Variants in PTK7 observed in about 807,000 individuals in gnomAD.
PTK7 encodes inactive tyrosine-protein kinase 7.
In PTK7, 39 loss-of-function variants were observed where a neutral mutation model predicts 116.6. The ratio of observed to expected loss-of-function variants is 0.33; its 90% CI spans 0.26 to 0.44. The LOEUF (loss-of-function observed/expected upper bound fraction) is 0.44, where lower values mean the gene tolerates loss of function less well. PTK7 is among the 20% of genes least tolerant of loss of function. PTK7 has a pLI of 1.00. For missense variants in PTK7, 1,169 were observed against 1,425.6 expected, an observed-to-expected ratio of 0.82 and a Z score of 2.90; for synonymous variants, 546 against 563.6, an observed-to-expected ratio of 0.97 and a Z score of 0.44.
At chr6:43,097,622 A>G (rs545432333) in intron 1 of PTK7, among the ~76,000 whole-genome samples, 1 of 152,332 alleles carries the variant, frequency 6.6e-6, no homozygotes, top group East Asian at 1.9e-4. Context: ...ATTGGTAAAC[A>G]TAGTTCAAAT....
At chr6:43,140,450 C>G (rs1770329712) in intron 10 of PTK7, among the ~76,000 whole-genome samples, 1 of 129,240 alleles carries the variant, frequency 7.7e-6, no homozygotes, top group Non-Finnish European at 1.6e-5. Flanking sequence ...GAGACTCCAT[C>G]TCAAAAAAAA....
chr6:43,144,515 G>C lies in PTK7; in HGVS notation c.2316G>C (p.Leu772Phe). The change falls in exon 15 of 20, where the codon TTG (leucine) becomes TTC (phenylalanine). Residue 772 changes from leucine to phenylalanine, a missense_variant. Leu to Phe is a conservative substitution (Grantham distance 22, BLOSUM62 0). Transcript: ENST00000230419. ...EIQEEVALTSLGSGPAATNKR... is the reference protein window; with the variant it reads ...EIQEEVALTSFGSGPAATNKR... ...AAGAAGAAGTGGCCTTGACCAGCTT[G>C]GGCTCCGGCCCCGCGGCCACCAACA... 1 of 1,614,182 alleles carries C rather than the reference G, an allele frequency of 6.2e-7. No homozygotes were observed. Among genetic ancestry groups the C allele is most frequent in the South Asian group, 1.1e-5 (1 of 91,080 alleles).
intron 19 of PTK7, 91 bp downstream of exon 19, chr6:43,160,057 T>C (rs1771757426): frequency 7.4e-7 from 1 of 1,351,194 alleles, no homozygotes; most frequent in South Asian, 1.4e-5. Context: ...TACCTCCCTC[T>C]CAGGGCTGCT....
Position 43,142,287 on chromosome 6 carries a change from C to A in PTK7, c.2035C>A (p.Leu679Ile). ...SCNIKHTEAP[L>I]YVVDKPVPEE... ...CAACATCAAGCACACGGAGGCCCCC[C>A]TCTATGTCGTGGGTATGGGCTGGGG... Residue 679 changes from leucine (L) to isoleucine (I), a missense_variant, in exon 13 of 20, where the codon CTC becomes ATC. Around this residue, in one of 3 missense-constraint regions of PTK7, gnomAD observed 678 missense variants for 853.8 expected, o/e 0.79. Coordinates refer to ENST00000230419, the MANE Select transcript of PTK7 (RefSeq NM_002821.5). 1 of 1,614,172 alleles carries A rather than the reference C, an allele frequency of 6.2e-7. No homozygotes were observed. The highest frequency in any genetic ancestry group is 8.5e-7 in the Non-Finnish European group (1 of 1,180,032).
At chr6:43,105,889 T>G (rs528062630) in intron 1 of PTK7, among the ~76,000 whole-genome samples, 9 of 152,250 alleles carry the variant, frequency 5.9e-5, no homozygotes, top group African/African-American at 2.2e-4. Flanking sequence ...AGAGGATAAA[T>G]TTCTGTTATT....
At chr6:43,159,690 C>A in intron 18 of PTK7, 98 bp from the exon 19 acceptor site, 1 of 1,266,852 alleles carries the variant, frequency 7.9e-7, no homozygotes, top group Non-Finnish European at 1.1e-6. Flanking sequence ...AAAGGCTGGG[C>A]CCCCGGCTTG....
intron 17 of PTK7, 104 bp from the exon 18 acceptor site, chr6:43,158,713 C>T (rs1400844532): frequency 1.7e-5 from 22 of 1,263,158 alleles, no homozygotes; most frequent in Admixed American, 4.4e-5. Flanking sequence ...GGGCTTCCTA[C>T]GCAGCACACC....
intron 18 of PTK7, chr6:43,159,587 C>T (rs1242462082): frequency 1.0e-5 from 6 of 591,992 alleles, no homozygotes; most frequent in South Asian, 6.1e-5. Context: ...ATTTTTTAAC[C>T]ATCAAACCTC....
At chr6:43,107,503 A>G (rs548572018) in intron 1 of PTK7, among the ~76,000 whole-genome samples, 3 of 152,316 alleles carry the variant, frequency 2.0e-5, no homozygotes, top group Admixed American at 2.0e-4. Flanking sequence ...ACAAGTTAAT[A>G]TGGTTAAATG....
intron 1 of PTK7, among the ~76,000 whole-genome samples, chr6:43,086,456 G>A (rs1462969158): frequency 1.3e-5 from 2 of 151,754 alleles, no homozygotes; most frequent in African/African-American, 4.8e-5. Flanking sequence ...TGGTGGCGGG[G>A]CAATGAGGGG....
chr6:43,130,127 A>G, intron 3 of PTK7, 103 bp from the exon 4 acceptor site: 1 of 1,233,814 alleles, frequency 8.1e-7, no homozygotes, highest in Non-Finnish European at 1.1e-6. Context: ...CCGTTTCTCC[A>G]TGTATAAACT....
chr6:43,160,504 C>T (rs1771783239), intron 19 of PTK7, among the ~76,000 whole-genome samples: 1 of 152,186 alleles, frequency 6.6e-6, no homozygotes, highest in African/African-American at 2.4e-5. Flanking sequence ...TGTCCGCCAG[C>T]CCACTTCAGC....
At chr6:43,153,876 A>C (rs1488371437) in intron 17 of PTK7, among the ~76,000 whole-genome samples, 1 of 151,984 alleles carries the variant, frequency 6.6e-6, no homozygotes, top group African/African-American at 2.4e-5. Context: ...TCTCTAAAAA[A>C]TAAAAATAGG....
rs1561924868 is a variant in PTK7 at position 43,076,364 on chromosome 6, G to C, written c.-125G>C. 1 of 596,508 alleles carries C rather than the reference G, an allele frequency of 1.7e-6. No individual in the cohort carries two copies. Among genetic ancestry groups the C allele is most frequent in the Non-Finnish European group, 2.3e-6 (1 of 425,598 alleles). 37.0% of individuals were successfully genotyped at this position (596,508 alleles called of 1,614,324 possible). On this transcript the variant is annotated 5_prime_UTR_variant, in exon 1 of 20. Transcript: ENST00000230419. This position sits in a 1 kb window ranked among gnomAD's most constrained non-coding sequence, Gnocchi z 5.7. ...GGACGCCTCGGGACGCCTCGGGGTCGGGCTCCGGCTGCGGCTGCTGCTGCG... is the reference window on the plus strand; with the variant it reads ...GGACGCCTCGGGACGCCTCGGGGTCCGGCTCCGGCTGCGGCTGCTGCTGCG...
chr6:43,106,252 C>G (rs932469513), intron 1 of PTK7, among the ~76,000 whole-genome samples: 1 of 152,076 alleles, frequency 6.6e-6, no homozygotes, highest in African/African-American at 2.4e-5. Context: ...CTGATCATGC[C>G]TGGTCTTTGT....
intron 1 of PTK7, among the ~76,000 whole-genome samples, chr6:43,114,012 G>A (rs757664896): frequency 2.0e-5 from 3 of 152,058 alleles, no homozygotes; most frequent in Non-Finnish European, 4.4e-5. Context: ...CTGTGGCCGG[G>A]GACTCAGTCT....
Position 43,132,122 on chromosome 6 carries a change from A to G in PTK7, c.919A>G (p.Arg307Gly), listed in dbSNP as rs759077094. The G allele has an allele frequency of 2.5e-6, 4 of 1,613,634 alleles. No homozygotes were observed. Among genetic ancestry groups the G allele is most frequent in the Non-Finnish European group, 3.4e-6 (4 of 1,179,734 alleles). ...CTACCGCTGCATTGGCCAGGGGCAGAGGGGCCCACCCATCATCCTGGAAGC... is the reference window on the plus strand; with the variant it reads ...CTACCGCTGCATTGGCCAGGGGCAGGGGGGCCCACCCATCATCCTGGAAGC... ...GIYRCIGQGQ[R>G]GPPIILEATL... The change falls in exon 6 of 20, where the codon AGG (arginine) becomes GGG (glycine). Residue 307 changes from arginine to glycine, a missense_variant. Physicochemically the swap from Arg to Gly is moderately radical, Grantham distance 125. Coordinates refer to ENST00000230419, the MANE Select transcript of PTK7 (RefSeq NM_002821.5).
At chr6:43,154,645 A>C (rs968254389) in intron 17 of PTK7, among the ~76,000 whole-genome samples, 21 of 152,208 alleles carry the variant, frequency 1.4e-4, no homozygotes, top group African/African-American at 4.8e-4. Flanking sequence ...CAGTAGAGGC[A>C]GTGGGGCTCA....
At position 43,109,375 on chromosome 6, in the gene PTK7, A is replaced by G. The variant is rs573446821; in HGVS notation, c.80-19602A>G. ...TCTTTTTTTTCCCCTGGACCTTTTG[A>G]TGAGACCCTGCTAGTCTTTGCTTGT... On this transcript the variant is annotated intron_variant, in intron 1 of 19. Transcript: ENST00000230419. 5.3e-5 allele frequency among the ~76,000 whole-genome samples: 8 copies of G among 151,928 alleles called. No homozygotes were observed. In the South Asian group the frequency reaches 1.7e-3, roughly 32 times the overall value.
Sources: gnomAD v4.1 joint callset for allele counts (sites outside exome capture counted in the v4.1 genomes callset) on GRCh38, gnomAD v4.1.1 for gene constraint, gnomAD v4.1.1 regional missense constraint, Gnocchi (gnomAD v3.1) non-coding constraint, MANE v1.5 for transcripts, NCBI Gene and HGNC (gene_info 2026-07-23, HGNC 2026-07-21) for gene names.